CHD7: variants seen among roughly 807,000 people sequenced by gnomAD.
CHD7 encodes the protein ATP-dependent chromatin remodeler CHD7.
Under a neutral mutation model 307.3 loss-of-function variants are expected in CHD7, and 24 were observed. The observed-to-expected ratio is 0.08, with a 90% confidence interval of 0.06 to 0.11. CHD7 has a LOEUF of 0.11. CHD7 is among the 10% of genes least tolerant of loss of function. The pLI, the probability that CHD7 is intolerant of heterozygous loss-of-function variation, is 1.00. For synonymous variants in CHD7, 1,363 were observed against 1,349.9 expected (o/e 1.01, Z -0.21); for missense variants, 3,106 against 3,727.1 (o/e 0.83, Z 4.34).
At chr8:60,862,357 T>C (rs773582795) in intron 36 of CHD7, 21 bp downstream of exon 36, 3 of 1,590,760 alleles carry the variant, frequency 1.9e-6, no homozygotes, top group South Asian at 1.2e-5. Context: ...GGAAAGGGAA[T>C]TGATCACTAT....
intron 19 of CHD7, among the ~76,000 whole-genome samples, chr8:60,840,745 G>A (rs897313083): frequency 6.6e-6 from 1 of 151,984 alleles, no homozygotes; most frequent in South Asian, 2.1e-4. Context: ...AGCTTCCCGA[G>A]TAGCTGGGAT....
chr8:60,804,280 T>G (rs1358431495), intron 6 of CHD7, among the ~76,000 whole-genome samples: 1 of 152,256 alleles, frequency 6.6e-6, no homozygotes, highest in Non-Finnish European at 1.5e-5. Context: ...TTTTCCTTGT[T>G]TAGTCAGCTT....
At chr8:60,850,447 T>G in intron 25 of CHD7, 46 bp from the exon 26 acceptor site, 3 of 1,570,070 alleles carry the variant, frequency 1.9e-6, no homozygotes, top group Non-Finnish European at 2.6e-6. Flanking sequence ...GATGGGGCCT[T>G]TCTTTGTTTC....
At chr8:60,685,306 G>C (rs1805826625) in intron 1 of CHD7, among the ~76,000 whole-genome samples, 1 of 152,342 alleles carries the variant, frequency 6.6e-6, no homozygotes, top group African/African-American at 2.4e-5. Context: ...ATGGGAGAGG[G>C]GAGGGAAGCC....
chr8:60,765,096 T>G (rs1810401547), intron 2 of CHD7, among the ~76,000 whole-genome samples: 1 of 152,208 alleles, frequency 6.6e-6, no homozygotes, highest in South Asian at 2.1e-4. Flanking sequence ...TGAGGAGATG[T>G]GACATCCACA....
At position 60,716,679 on chromosome 8, in the gene CHD7, A is replaced by G. The variant is rs188757897; in HGVS notation, c.-174-24580A>G. Among the ~76,000 whole-genome samples the G allele has an allele frequency of 7.2e-4, 110 of 152,194 alleles. 1 individual carries two copies. Among genetic ancestry groups the G allele is most frequent in the African/African-American group, 1.8e-3 (73 of 41,512 alleles). Reference sequence around the variant, plus strand: ...TTTCCTTTTAGTTATTTACTTATTTATTTTGTTTGACTCTCTCCACAAACA... The same window carrying G: ...TTTCCTTTTAGTTATTTACTTATTTGTTTTGTTTGACTCTCTCCACAAACA... On this transcript the variant is annotated intron_variant, in intron 1 of 37. Coordinates refer to ENST00000423902, the MANE Select transcript of CHD7 (RefSeq NM_017780.4).
At position 60,867,992 on chromosome 8, in the gene CHD7, TTAA is replaced by T. The variant is rs1806289617; in HGVS notation, c.*2063_*2065del. 1 of 152,152 alleles carries T rather than the reference TTAA, an allele frequency of 6.6e-6. No homozygotes were observed. The highest frequency in any genetic ancestry group is 1.5e-5 in the Non-Finnish European group (1 of 68,044). The allele number at this position is 152,152 out of a possible 1,614,324, so 9.4% of individuals were successfully genotyped here. On this transcript the variant is annotated 3_prime_UTR_variant, in exon 38 of 38. Coordinates refer to ENST00000423902, the MANE Select transcript of CHD7 (RefSeq NM_017780.4). ...AAAGATGTTAGCAGGGAGAATTTGC[TTAA>T]TAAAATGAGTCATTAAAGGGTGTTT...
At chr8:60,727,710 T>G (rs1361031900) in intron 1 of CHD7, among the ~76,000 whole-genome samples, 2 of 152,200 alleles carry the variant, frequency 1.3e-5, no homozygotes, top group Non-Finnish European at 2.9e-5. Flanking sequence ...TGCTGCAACT[T>G]TGTCTTCCTT....
At chr8:60,699,525 A>T (rs13275837) in intron 1 of CHD7, among the ~76,000 whole-genome samples, 17,284 of 148,322 alleles carry the variant, frequency 0.12, 2,192 homozygotes, top group African/African-American at 0.32. Flanking sequence ...TTAAAAAAAA[A>T]TTTTTTTTTT....
intron 25 of CHD7, among the ~76,000 whole-genome samples, chr8:60,849,368 T>A (rs986822674): frequency 6.6e-6 from 1 of 152,230 alleles, no homozygotes; most frequent in African/African-American, 2.4e-5. Context: ...AAGAAAACAT[T>A]TCTTTCTTGG....
At chr8:60,764,941 G>A (rs1012856960) in intron 2 of CHD7, among the ~76,000 whole-genome samples, 2 of 152,186 alleles carry the variant, frequency 1.3e-5, no homozygotes, top group Non-Finnish European at 2.9e-5. Context: ...TTTCATTTAT[G>A]TGTGCATTTG....
At chr8:60,786,431 T>A (rs1471450192) in intron 3 of CHD7, among the ~76,000 whole-genome samples, 1 of 152,214 alleles carries the variant, frequency 6.6e-6, no homozygotes, top group Non-Finnish European at 1.5e-5. Context: ...CAGGGTGGGC[T>A]ACACTGGGCC....
chr8:60,816,095 T>TTGTCTGTCTGTC (rs749460189), intron 7 of CHD7, among the ~76,000 whole-genome samples: 74 of 140,576 alleles, frequency 5.3e-4, no homozygotes, highest in African/African-American at 1.9e-3. Context: ...TCTGTCTCTT[T>TTGTCTGTCTGTC]TGTCTGTCTG....
chr8:60,764,622 CCATT>C (rs1012765973), intron 2 of CHD7, among the ~76,000 whole-genome samples: 1 of 152,136 alleles, frequency 6.6e-6, no homozygotes, highest in African/African-American at 2.4e-5. Context: ...ATCTATTCAG[CCATT>C]CATTCATTCA....
rs145544592 is a variant in CHD7, at chr8:60,783,237, G to A, written c.2096+1807G>A. ...GGCTCTATGTTTAAAAACTTACTTAGCATACCCTTACCTCTTGTAGAGTCC... is the reference window on the plus strand; with the variant it reads ...GGCTCTATGTTTAAAAACTTACTTAACATACCCTTACCTCTTGTAGAGTCC... On this transcript the variant is annotated intron_variant, in intron 3 of 37. Transcript: ENST00000423902. 4.5e-4 allele frequency among the ~76,000 whole-genome samples: 69 copies of A among 152,254 alleles called. 1 individual carries two copies. In the East Asian group the frequency reaches 0.012, roughly 26 times the overall value.
chr8:60,821,590 A>C lies in CHD7; in HGVS notation c.2698-200A>C, dbSNP rs1219383066. On this transcript the variant is annotated intron_variant, in intron 9 of 37. Transcript: ENST00000423902. The stretch of plus-strand genomic sequence containing the variant: ...TACACCTATGTGTATGTATAAGCAT[A>C]TATACACACATACATATGTATAAAC... 2.0e-5 allele frequency among the ~76,000 whole-genome samples: 3 copies of C among 151,240 alleles called. No homozygotes were observed. In the Admixed American group the frequency reaches 2.0e-4, roughly 10 times the overall value.
intron 17 of CHD7, 37 bp downstream of exon 17, chr8:60,837,049 G>A: frequency 4.0e-6 from 6 of 1,513,602 alleles, no homozygotes; most frequent in Non-Finnish European, 4.5e-6. Flanking sequence ...CTTTAAAAAG[G>A]AAGTCATTCT....
At chr8:60,782,571 A>G (rs1811305754) in intron 3 of CHD7, among the ~76,000 whole-genome samples, 1 of 152,238 alleles carries the variant, frequency 6.6e-6, no homozygotes, top group Admixed American at 6.5e-5. Flanking sequence ...TTATGGTGCC[A>G]AAGTAACTGA....
chr8:60,768,588 C>T (rs566586456), intron 2 of CHD7, among the ~76,000 whole-genome samples: 2 of 152,294 alleles, frequency 1.3e-5, no homozygotes, highest in South Asian at 2.1e-4. Context: ...GAGATAAATT[C>T]GTTCTGCATG....
Sources: gnomAD v4.1 joint callset for allele counts (sites outside exome capture counted in the v4.1 genomes callset) on GRCh38, gnomAD v4.1.1 for gene constraint, MANE v1.5 for transcripts, NCBI Gene and HGNC (gene_info 2026-07-23, HGNC 2026-07-21) for gene names.